The following APOL6 variants were observed in gnomAD, a reference collection of about 807,000 sequenced individuals.
The protein encoded by APOL6 is apolipoprotein L, 6.
Under a neutral mutation model 2.4 loss-of-function variants are expected in APOL6, and 1 was observed. That is an observed-to-expected ratio of 0.41 (90% CI 0.15 to 1.94). The LOEUF (loss-of-function observed/expected upper bound fraction) is 1.94, where lower values mean the gene tolerates loss of function less well. Ranked by LOEUF, APOL6 falls within the 30% of genes most tolerant of loss-of-function variation. The pLI is 0.30. For missense variants in APOL6, 438 were observed against 429.2 expected, an observed-to-expected ratio of 1.02 and a Z score of -0.18; for synonymous variants, 189 against 169.3, an observed-to-expected ratio of 1.12 and a Z score of -0.90.
intron 2 of APOL6, among the ~76,000 whole-genome samples, chr22:35,657,275 C>T (rs56941810): frequency 0.052 from 7,855 of 152,210 alleles, 525 homozygotes; most frequent in African/African-American, 0.16. Flanking sequence ...AGGGCCACCC[C>T]GCTTGCCTTC....
chr22:35,658,237 C>T (rs1448340720), intron 2 of APOL6, among the ~76,000 whole-genome samples: 1 of 152,188 alleles, frequency 6.6e-6, no homozygotes, highest in Non-Finnish European at 1.5e-5. Context: ...ACTCTCCCGC[C>T]ATTGTTCCCA....
rs1012574555 is a variant in APOL6, at chr22:35,664,994, G to A, written c.*5398G>A. 10 of 151,808 alleles carry A rather than the reference G, an allele frequency of 6.6e-5. No individual in the cohort carries two copies. The highest frequency in any genetic ancestry group is 2.2e-4 in the African/African-American group (9 of 41,386). The allele number at this position is 151,808 out of a possible 1,614,324, so 9.4% of individuals were successfully genotyped here. ...GAAAGAATTTTATATGGTAAATTTAGTCCTAAAATAAAATAACTGGTTGTT... is the reference window on the plus strand; with the variant it reads ...GAAAGAATTTTATATGGTAAATTTAATCCTAAAATAAAATAACTGGTTGTT... On this transcript the variant is annotated 3_prime_UTR_variant, in exon 3 of 3. Transcript: ENST00000409652.
chr22:35,656,798 G>A (rs1449425962), intron 2 of APOL6, among the ~76,000 whole-genome samples: 1 of 152,150 alleles, frequency 6.6e-6, no homozygotes, highest in Non-Finnish European at 1.5e-5. Flanking sequence ...CATTTCTTCA[G>A]CTCATATATC....
chr22:35,654,386 C>G (rs1030868431), intron 1 of APOL6, among the ~76,000 whole-genome samples: 3 of 152,068 alleles, frequency 2.0e-5, no homozygotes, highest in Non-Finnish European at 4.4e-5. Flanking sequence ...AAAGTCACCT[C>G]ATTAACATAA....
At chr22:35,652,819 G>A (rs1283408901) in intron 1 of APOL6, among the ~76,000 whole-genome samples, 3 of 152,308 alleles carry the variant, frequency 2.0e-5, no homozygotes, top group Admixed American at 6.5e-5. Context: ...ATAGTTTGAA[G>A]TCAGGTAGCG....
chr22:35,665,065 C>G lies in APOL6; in HGVS notation c.*5469C>G, dbSNP rs957446451. The G allele has an allele frequency of 2.6e-5, 4 of 151,808 alleles. No individual in the cohort carries two copies. The highest frequency in any genetic ancestry group is 5.9e-5 in the Non-Finnish European group (4 of 67,966). 9.4% of individuals were successfully genotyped at this position (151,808 alleles called of 1,614,324 possible). On this transcript the variant is annotated 3_prime_UTR_variant, in exon 3 of 3. Transcript: ENST00000409652. ...GACAAACCAGAAAGTCCAAGCATGT[C>G]ATGAACATTGGTGTAAGTCATGATA...
Position 35,659,048 on chromosome 22 carries a change from G to T in APOL6, c.484G>T (p.Asp162Tyr). Residue 162 changes from aspartate (D) to tyrosine (Y), a missense_variant, in exon 3 of 3, where the codon GAC becomes TAC. Coordinates refer to ENST00000409652, the MANE Select transcript of APOL6 (RefSeq NM_030641.4). ...CAGGGAGGATGAGGAAGAGAAGGCAGACTATGTCACAGCTGCTGGAAAGAT... is the reference window on the plus strand; with the variant it reads ...CAGGGAGGATGAGGAAGAGAAGGCATACTATGTCACAGCTGCTGGAAAGAT... ...EDREDEEEKA[D>Y]YVTAAGKIIY... 3 of 1,613,970 alleles carry T rather than the reference G, an allele frequency of 1.9e-6. No homozygotes were observed. The highest frequency in any genetic ancestry group is 2.5e-6 in the Non-Finnish European group (3 of 1,180,040).
At chr22:35,656,975 C>A (rs1160029698) in intron 2 of APOL6, among the ~76,000 whole-genome samples, 1 of 152,214 alleles carries the variant, frequency 6.6e-6, no homozygotes, top group Non-Finnish European at 1.5e-5. Context: ...TGGAACTGGA[C>A]TGAAATGTTA....
At position 35,663,256 on chromosome 22, in the gene APOL6, C is replaced by A. The variant is rs902505898; in HGVS notation, c.*3660C>A. The A allele has an allele frequency of 1.3e-5, 2 of 152,116 alleles. No homozygotes were observed. Among genetic ancestry groups the A allele is most frequent in the African/African-American group, 4.8e-5 (2 of 41,426 alleles). 9.4% of individuals were successfully genotyped at this position (152,116 alleles called of 1,614,324 possible). ...TAGGGGCTTTATTTACATAACACAG[C>A]CAGCTTTTTGCTAGCCAGACCAAAC... is the stretch of plus-strand genomic sequence containing the variant. On this transcript the variant is annotated 3_prime_UTR_variant, in exon 3 of 3. Transcript: ENST00000409652.
chr22:35,667,844 A>G lies in APOL6; in HGVS notation c.*8248A>G, dbSNP rs1239322464. On this transcript the variant is annotated 3_prime_UTR_variant, in exon 3 of 3. Coordinates refer to ENST00000409652, the MANE Select transcript of APOL6 (RefSeq NM_030641.4). ...AAGAAAGGACTATGAGTTCAACTTT[A>G]GAGGGAGCCATGGGGACTAAACAAA... 1.3e-5 allele frequency: 2 copies of G among 152,216 alleles called. No individual in the cohort carries two copies. Among genetic ancestry groups the G allele is most frequent in the Non-Finnish European group, 2.9e-5 (2 of 68,042 alleles). The allele number at this position is 152,216 out of a possible 1,614,324, so 9.4% of individuals were successfully genotyped here.
At chr22:35,655,930 C>T (rs1924832869) in intron 1 of APOL6, among the ~76,000 whole-genome samples, 1 of 152,172 alleles carries the variant, frequency 6.6e-6, no homozygotes, top group Non-Finnish European at 1.5e-5. Flanking sequence ...GCAGGAGCAA[C>T]TTGTGGGAAA....
intron 1 of APOL6, among the ~76,000 whole-genome samples, chr22:35,649,367 A>C (rs1311476130): frequency 1.3e-5 from 2 of 151,452 alleles, no homozygotes; most frequent in Non-Finnish European, 2.9e-5. Context: ...GAACCCAGGA[A>C]GTCAAGAATG....
intron 2 of APOL6, 110 bp from the exon 3 acceptor site, chr22:35,658,505 A>T: frequency 1.1e-6 from 1 of 908,516 alleles, no homozygotes; most frequent in Middle Eastern, 3.4e-4. Flanking sequence ...GGGATTTTGT[A>T]GGGAGGTACA....
chr22:35,653,137 G>A (rs1300828110), intron 1 of APOL6, among the ~76,000 whole-genome samples: 2 of 150,202 alleles, frequency 1.3e-5, no homozygotes, highest in African/African-American at 2.4e-5. Flanking sequence ...GGATTCCTAG[G>A]TATTTTATTC....
chr22:35,657,585 C>T (rs940957873), intron 2 of APOL6, among the ~76,000 whole-genome samples: 1 of 152,118 alleles, frequency 6.6e-6, no homozygotes, highest in Non-Finnish European at 1.5e-5. Flanking sequence ...GACTCAGAGC[C>T]CACCCAATGC....
chr22:35,659,606 A>T lies in APOL6; in HGVS notation c.*10A>T. On this transcript the variant is annotated 3_prime_UTR_variant, in exon 3 of 3. Transcript: ENST00000409652. ...TGTACAGTTTACATGAATGTTCCTC[A>T]GGACATGGCATACAATGGCCTTGGA... 6.3e-7 allele frequency: 1 copy of T among 1,584,906 alleles called. No homozygotes were observed. Among genetic ancestry groups the T allele is most frequent in the Non-Finnish European group, 8.6e-7 (1 of 1,164,014 alleles).
At chr22:35,657,183 T>G (rs1202328155) in intron 2 of APOL6, among the ~76,000 whole-genome samples, 2 of 152,232 alleles carry the variant, frequency 1.3e-5, no homozygotes, top group Non-Finnish European at 2.9e-5. Flanking sequence ...TTGCTGTTTC[T>G]TTTTGTCTAG....
intron 1 of APOL6, among the ~76,000 whole-genome samples, chr22:35,654,536 C>CTA (rs1291261853): frequency 2.1e-5 from 3 of 139,888 alleles, no homozygotes; most frequent in Admixed American, 6.9e-5. Context: ...CTCTCTCTCT[C>CTA]TCTCTATATA....
rs1275769840 is a variant in APOL6, at chr22:35,661,138, C to G, written c.*1542C>G. The G allele has an allele frequency of 1.3e-5, 2 of 151,958 alleles. No individual in the cohort carries two copies. Among genetic ancestry groups the G allele is most frequent in the African/African-American group, 4.8e-5 (2 of 41,356 alleles). 9.4% of individuals were successfully genotyped at this position (151,958 alleles called of 1,614,324 possible). On this transcript the variant is annotated 3_prime_UTR_variant, in exon 3 of 3. Coordinates refer to ENST00000409652, the MANE Select transcript of APOL6 (RefSeq NM_030641.4). ...TAATTACACTAATAAAGCTGGATCACCTGAGGTTAGGAGTTTGAGAACAGC... is the reference window on the plus strand; with the variant it reads ...TAATTACACTAATAAAGCTGGATCAGCTGAGGTTAGGAGTTTGAGAACAGC...
Sources: gnomAD v4.1 joint callset for allele counts (sites outside exome capture counted in the v4.1 genomes callset) on GRCh38, gnomAD v4.1.1 for gene constraint, MANE v1.5 for transcripts, NCBI Gene and HGNC (gene_info 2026-07-23, HGNC 2026-07-21) for gene names.